The following SOBP variants were observed in gnomAD, a reference collection of about 807,000 sequenced individuals.
SOBP encodes sine oculis-binding protein homolog.
SOBP carries 4 observed loss-of-function variants against 53.6 expected under a neutral mutation model. The ratio of observed to expected loss-of-function variants is 0.07; its 90% CI spans 0.04 to 0.17. The LOEUF is 0.17. Ranked by LOEUF, SOBP falls within the 10% of genes least tolerant of loss-of-function variation. The pLI is 1.00. For missense variants in SOBP, 1,088 were observed against 1,204.7 expected, an observed-to-expected ratio of 0.90 and a Z score of 1.43; for synonymous variants, 584 against 522.6, an observed-to-expected ratio of 1.12 and a Z score of -1.60.
chr6:107,513,410 A>G (rs939395501), intron 3 of SOBP, among the ~76,000 whole-genome samples: 1 of 152,246 alleles, frequency 6.6e-6, no homozygotes, highest in Non-Finnish European at 1.5e-5. Context: ...CTATGTATAT[A>G]GCTGAGTAAC....
chr6:107,618,976 A>G (rs1786904219), intron 5 of SOBP, among the ~76,000 whole-genome samples: 1 of 152,214 alleles, frequency 6.6e-6, no homozygotes, highest in South Asian at 2.1e-4. Context: ...GAAGCTGATT[A>G]GAGGTGAGCA....
chr6:107,605,183 C>T (rs1470007416), intron 5 of SOBP, among the ~76,000 whole-genome samples: 1 of 152,220 alleles, frequency 6.6e-6, no homozygotes, highest in Non-Finnish European at 1.5e-5. Flanking sequence ...CCTTTGTTCT[C>T]ATATATTATA....
At chr6:107,558,897 T>C (rs1784696802) in intron 4 of SOBP, among the ~76,000 whole-genome samples, 3 of 152,078 alleles carry the variant, frequency 2.0e-5, no homozygotes, top group South Asian at 2.1e-4. Context: ...GCTTTCCTTT[T>C]TCATAGCGTA....
intron 5 of SOBP, among the ~76,000 whole-genome samples, chr6:107,631,837 G>A (rs1385987993): frequency 2.0e-5 from 3 of 152,154 alleles, no homozygotes; most frequent in South Asian, 2.1e-4. Context: ...AACAAAACAC[G>A]AATGTGTGCC....
chr6:107,508,390 C>T (rs568358105), intron 3 of SOBP, among the ~76,000 whole-genome samples: 3 of 152,192 alleles, frequency 2.0e-5, no homozygotes, highest in African/African-American at 7.2e-5. Context: ...ACTAGCCAGG[C>T]CAACATGGAG....
Position 107,533,475 on chromosome 6 carries a change from T to A in SOBP, c.438T>A (p.Asn146Lys), listed in dbSNP as rs751205756. 19 of 1,614,028 alleles carry A rather than the reference T, an allele frequency of 1.2e-5. No homozygotes were observed. The highest frequency in any genetic ancestry group is 1.5e-5 in the Non-Finnish European group (18 of 1,180,020). The part of the protein sequence containing the change: ...IKPPAEDDVS[N>K]VQIMCAWCQK... ...TTATTATAGAAGATGATGTGTCAAATGTACAAATAATGTGTGCCTGGTGCC... is the reference window on the plus strand; with the variant it reads ...TTATTATAGAAGATGATGTGTCAAAAGTACAAATAATGTGTGCCTGGTGCC... The change falls in exon 4 of 7, where the codon AAT (asparagine) becomes AAA (lysine). Residue 146 changes from asparagine (N) to lysine (K), a missense_variant. Asn to Lys is a moderately conservative substitution (Grantham distance 94). Transcript: ENST00000317357.
At chr6:107,555,840 C>T (rs758635424) in intron 4 of SOBP, among the ~76,000 whole-genome samples, 12 of 152,224 alleles carry the variant, frequency 7.9e-5, no homozygotes, top group Non-Finnish European at 1.3e-4. Context: ...GAATTGTCTT[C>T]TTACCAAGAA....
intron 4 of SOBP, among the ~76,000 whole-genome samples, chr6:107,545,499 C>T (rs888042501): frequency 2.6e-5 from 4 of 152,160 alleles, no homozygotes; most frequent in Non-Finnish European, 5.9e-5. Context: ...TTCTTTGTTT[C>T]AGCCTCGCAT....
intron 3 of SOBP, among the ~76,000 whole-genome samples, chr6:107,513,205 CAA>C (rs1343363003): frequency 6.6e-6 from 1 of 152,182 alleles, no homozygotes; most frequent in African/African-American, 2.4e-5. Flanking sequence ...TCTTTGAAAA[CAA>C]TGACCATTTC....
intron 4 of SOBP, among the ~76,000 whole-genome samples, chr6:107,545,183 G>A (rs1050024794): frequency 4.6e-5 from 7 of 152,076 alleles, no homozygotes; most frequent in East Asian, 1.9e-4. Flanking sequence ...CACTTTTTGC[G>A]GGGAAGAGCC....
At chr6:107,508,493 C>G (rs747152028) in intron 3 of SOBP, among the ~76,000 whole-genome samples, 1 of 152,040 alleles carries the variant, frequency 6.6e-6, no homozygotes, top group African/African-American at 2.4e-5. Context: ...GCAGGAGAAT[C>G]GCTTGAGCCT....
chr6:107,503,873 G>T, intron 2 of SOBP, 78 bp downstream of exon 2: 3 of 1,537,272 alleles, frequency 2.0e-6, no homozygotes, highest in Non-Finnish European at 2.7e-6. Flanking sequence ...GTTGCTTTGG[G>T]ACTCAATTGA....
chr6:107,520,248 G>A (rs564931862), intron 3 of SOBP, among the ~76,000 whole-genome samples: 3 of 152,300 alleles, frequency 2.0e-5, no homozygotes, highest in African/African-American at 7.2e-5. Context: ...AAAGTAAAAA[G>A]AATATCCTTT....
intron 4 of SOBP, among the ~76,000 whole-genome samples, chr6:107,583,695 T>C (rs985887304): frequency 2.6e-5 from 4 of 151,958 alleles, no homozygotes; most frequent in African/African-American, 9.7e-5. Context: ...CTGGCTAGTT[T>C]TTGTTTTGTT....
In SOBP at chr6:107,634,645, T is replaced by G; in HGVS notation, c.1801T>G (p.Cys601Gly). The G allele has an allele frequency of 6.4e-7, 1 of 1,570,286 alleles. No individual in the cohort carries two copies. The highest frequency in any genetic ancestry group is 8.6e-7 in the Non-Finnish European group (1 of 1,164,554). The stretch of plus-strand genomic sequence containing the variant: ...CAAGTCCGCGGACTCGCCCCCCGGC[T>G]GCTCGGGCCAGGCCCTGAGCCTGGC... ...SSKSADSPPG[C>G]SGQALSLAPT... The change falls in exon 6 of 7, where the codon TGC becomes GGC. Residue 601 changes from cysteine (C) to glycine (G), a missense_variant. Cys to Gly is a radical substitution (Grantham distance 159). This residue lies in a region of SOBP where 665 missense variants were observed against 629.7 expected (regional missense o/e 1.06). Transcript: ENST00000317357. This position sits in a 1 kb window ranked among gnomAD's most constrained non-coding sequence, Gnocchi z 4.5.
intron 4 of SOBP, among the ~76,000 whole-genome samples, chr6:107,540,414 G>A (rs2114996807): frequency 6.6e-6 from 1 of 152,332 alleles, no homozygotes. Context: ...GCTACAGATG[G>A]TCACTTCATT....
intron 5 of SOBP, among the ~76,000 whole-genome samples, chr6:107,629,231 CTTT>C (rs5878925): frequency 2.8e-4 from 34 of 123,306 alleles, no homozygotes; most frequent in African/African-American, 5.1e-4. Flanking sequence ...GTGCTAATAT[CTTT>C]TTTTTTTTTT....
chr6:107,629,448 A>G lies in SOBP; in HGVS notation c.670-4066A>G, dbSNP rs117650147. 3.6e-4 allele frequency among the ~76,000 whole-genome samples: 55 copies of G among 152,224 alleles called. No individual in the cohort carries two copies. In the East Asian group the frequency reaches 0.01, roughly 28 times the overall value. Reference sequence around the variant, plus strand: ...CCTGTCCCCCTCCCTCAGTTGCCTGAGTTTTTTCTTAAGCCCAGAAGAACC... The same window carrying G: ...CCTGTCCCCCTCCCTCAGTTGCCTGGGTTTTTTCTTAAGCCCAGAAGAACC... On this transcript the variant is annotated intron_variant, in intron 5 of 6. Coordinates refer to ENST00000317357, the MANE Select transcript of SOBP (RefSeq NM_018013.4).
chr6:107,636,570 CAT>C (rs1771053202), intron 6 of SOBP, among the ~76,000 whole-genome samples: 1 of 152,204 alleles, frequency 6.6e-6, no homozygotes, highest in African/African-American at 2.4e-5. Context: ...TCCAAGCGGG[CAT>C]CAAACAGGCC....
Sources: allele counts gnomAD v4.1 joint callset (sites outside exome capture counted in the v4.1 genomes callset), GRCh38; gene constraint gnomAD v4.1.1; regional missense constraint gnomAD v4.1.1; non-coding constraint Gnocchi (gnomAD v3.1); transcripts MANE v1.5; gene names NCBI Gene and HGNC (gene_info 2026-07-23, HGNC 2026-07-21).